DDX20: variants seen among roughly 807,000 people sequenced by gnomAD.
DDX20 encodes probable ATP-dependent RNA helicase DDX20.
In DDX20, 61 loss-of-function variants were observed where a neutral mutation model predicts 76.4. The observed-to-expected ratio is 0.80, with a 90% CI of 0.65 to 0.99. The LOEUF (loss-of-function observed/expected upper bound fraction) is 0.99. Ranked by LOEUF, DDX20 falls within the 50% of genes least tolerant of loss-of-function variation. The pLI, the probability that DDX20 is intolerant of heterozygous loss-of-function variation, is 0.00. For synonymous variants in DDX20, 357 were observed against 357.4 expected, an observed-to-expected ratio of 1.00 and a Z score of 0.01; for missense variants, 976 against 996.8, an observed-to-expected ratio of 0.98 and a Z score of 0.28.
chr1:111,756,721 T>A lies in DDX20; in HGVS notation c.377T>A (p.Leu126His), dbSNP rs1663565173. 1 of 1,614,138 alleles carries A rather than the reference T, an allele frequency of 6.2e-7. No individual in the cohort carries two copies. The highest frequency in any genetic ancestry group is 8.5e-7 in the Non-Finnish European group (1 of 1,179,982). ...FSTIALDSLVLENLSTQILIL... is the reference protein window; with the variant it reads ...FSTIALDSLVHENLSTQILIL... ...ACCATAGCTTTGGACTCTCTTGTTC[T>A]TGAAAACTTAAGTACCCAGGTGAGT... Residue 126 changes from leucine to histidine, a missense_variant, in exon 2 of 11, where the codon CTT (leucine) becomes CAT (histidine). Physicochemically the swap from Leu to His is moderately conservative, Grantham distance 99. This residue lies in a region of DDX20 where 343 missense variants were observed against 286.4 expected (regional missense o/e 1.20). Transcript: ENST00000369702.
At position 111,767,971 on chromosome 1, in the gene DDX20, CG is replaced by C. The variant is rs1663816463; in HGVS notation, c.*1073del. 6.6e-6 allele frequency: 1 copy of C among 152,074 alleles called. No homozygotes were observed. Among genetic ancestry groups the C allele is most frequent in the Non-Finnish European group, 1.5e-5 (1 of 68,002 alleles). 9.4% of individuals were successfully genotyped at this position (152,074 alleles called of 1,614,324 possible). ...TCTGAGCTGATGCATCTGTAAATTACGATTTAGAAAAATATAATTGGAAATT... is the reference window on the plus strand; with the variant it reads ...TCTGAGCTGATGCATCTGTAAATTACATTTAGAAAAATATAATTGGAAATT... On this transcript the variant is annotated 3_prime_UTR_variant, in exon 11 of 11. Transcript: ENST00000369702.
chr1:111,764,113 A>C (rs1214415703), intron 10 of DDX20, among the ~76,000 whole-genome samples: 2 of 151,970 alleles, frequency 1.3e-5, no homozygotes, highest in Non-Finnish European at 2.9e-5. Context: ...CCCTGTCTCT[A>C]CTAAAAAAAA....
Position 111,755,949 on chromosome 1 carries a change from G to A in DDX20, c.25G>A (p.Gly9Arg). 1.3e-6 allele frequency: 2 copies of A among 1,586,786 alleles called. No individual in the cohort carries two copies. Among genetic ancestry groups the A allele is most frequent in the Non-Finnish European group, 1.7e-6 (2 of 1,161,954 alleles). The change falls in exon 1 of 11, where the codon GGA becomes AGA. Residue 9 changes from glycine (G) to arginine (R), a missense_variant. By Grantham distance (125) the Gly-to-Arg change is moderately radical. This residue lies in a region of DDX20 where 343 missense variants were observed against 286.4 expected (regional missense o/e 1.20). Transcript: ENST00000369702. ...CATGGCGGCGGCATTTGAAGCCTCG[G>A]GAGCCTTAGCAGCAGTGGCGACTGC... Reference protein sequence around the residue: MAAAFEASGALAAVATAMP... With the variant: MAAAFEASRALAAVATAMP...
rs1417314821 is a variant in DDX20, at chr1:111,765,873, T to G, written c.1449T>G (p.Leu483=). Residue 483 remains leucine (L), a synonymous_variant, in exon 11 of 11, where the codon CTT becomes CTG. Coordinates refer to ENST00000369702, the MANE Select transcript of DDX20 (RefSeq NM_007204.5). ...KKQIQKIERT[L]QIQKAHGDHM... ...AAATTCAGAAAATAGAGAGAACCCT[T>G]CAAATTCAGAAAGCTCATGGTGACC... is the stretch of plus-strand genomic sequence containing the variant. The G allele has an allele frequency of 6.2e-7, 1 of 1,614,086 alleles. No homozygotes were observed. Among genetic ancestry groups the G allele is most frequent in the South Asian group, 1.1e-5 (1 of 91,074 alleles).
At chr1:111,757,504 C>T (rs969031566) in intron 2 of DDX20, among the ~76,000 whole-genome samples, 2 of 152,146 alleles carry the variant, frequency 1.3e-5, no homozygotes, top group African/African-American at 4.8e-5. Context: ...GTCCGTATTA[C>T]GTATAAACAG....
intron 10 of DDX20, among the ~76,000 whole-genome samples, chr1:111,764,276 A>C (rs1019851946): frequency 4.9e-5 from 7 of 143,456 alleles, no homozygotes; most frequent in African/African-American, 2.0e-4. Flanking sequence ...TGCGAGACTC[A>C]GTCTCAAAAA....
Position 111,766,214 on chromosome 1 carries a change from A to G in DDX20, c.1790A>G (p.Asp597Gly), listed in dbSNP as rs201948518. 2.2e-5 allele frequency: 35 copies of G among 1,614,148 alleles called. No individual in the cohort carries two copies. The East Asian group carries it at 7.8e-4, about 36-fold the overall frequency. The change falls in exon 11 of 11, where the codon GAT becomes GGT. Residue 597 changes from aspartate (D) to glycine (G), a missense_variant. Physicochemically the swap from Asp to Gly is moderately conservative, Grantham distance 94. Transcript: ENST00000369702. The part of the protein sequence containing the change: ...YTLTFAELVE[D>G]YEHYIKEGLE... ...TTGACTTTTGCTGAATTGGTAGAGG[A>G]TTATGAACATTATATTAAAGAGGGG...
chr1:111,767,491 A>G lies in DDX20; in HGVS notation c.*592A>G, dbSNP rs535663402. 6.6e-6 allele frequency: 1 copy of G among 152,202 alleles called. No individual in the cohort carries two copies. Among genetic ancestry groups the G allele is most frequent in the African/African-American group, 2.4e-5 (1 of 41,426 alleles). 9.4% of individuals were successfully genotyped at this position (152,202 alleles called of 1,614,324 possible). A position where few individuals can be genotyped will look rare whatever the true frequency, so the allele number is the denominator to read the frequency against. On this transcript the variant is annotated 3_prime_UTR_variant, in exon 11 of 11. Transcript: ENST00000369702. Reference sequence around the variant, plus strand: ...TAAAAACAAATTTAAATATATTTACATGTTTGTTGTTTATCTTTTGAATGT... The same window carrying G: ...TAAAAACAAATTTAAATATATTTACGTGTTTGTTGTTTATCTTTTGAATGT...
intron 2 of DDX20, among the ~76,000 whole-genome samples, chr1:111,758,125 TG>T (rs1481133077): frequency 7.9e-5 from 12 of 152,220 alleles, no homozygotes; most frequent in Admixed American, 7.9e-4. Flanking sequence ...CCCAACATGC[TG>T]GGATCACAAG....
At chr1:111,763,561 A>G (rs1218156758) in intron 10 of DDX20, among the ~76,000 whole-genome samples, 1 of 151,444 alleles carries the variant, frequency 6.6e-6, no homozygotes, top group South Asian at 2.1e-4. Flanking sequence ...AACAAGAGTG[A>G]AACTCCGTCT....
Position 111,760,736 on chromosome 1 carries a change from A to G in DDX20, c.711A>G (p.Lys237=). 1 of 1,612,850 alleles carries G rather than the reference A, an allele frequency of 6.2e-7. No individual in the cohort carries two copies. The highest frequency in any genetic ancestry group is 8.5e-7 in the Non-Finnish European group (1 of 1,179,618). The change falls in exon 5 of 11, where the codon AAA becomes AAG. Residue 237 remains lysine, a synonymous_variant. Transcript: ENST00000369702. ...TTTATTCTTCCTTGCCTGCCAGTAA[A>G]CAGATGCTGGCAGTATCAGCTACTT... ...NWIYSSLPAS[K]QMLAVSATYP...
At chr1:111,762,618 T>G in intron 8 of DDX20, 59 bp from the exon 9 acceptor site, 1 of 1,363,552 alleles carries the variant, frequency 7.3e-7, no homozygotes, top group Non-Finnish European at 1.0e-6. Context: ...ATAATATGCA[T>G]TGGTATCCAT....
chr1:111,755,986 A>C lies in DDX20; in HGVS notation c.62A>C (p.Glu21Ala), dbSNP rs1236055777. ...LAAVATAMPA[E>A]HVAVQVPAPE... ...GCAGTGGCGACTGCTATGCCGGCTGAGCATGTGGCCGTGCAGGTCCCGGCC... is the reference window on the plus strand; with the variant it reads ...GCAGTGGCGACTGCTATGCCGGCTGCGCATGTGGCCGTGCAGGTCCCGGCC... Residue 21 changes from glutamate (E) to alanine (A), a missense_variant, in exon 1 of 11, where the codon GAG (glutamate) becomes GCG (alanine). This residue lies in a region of DDX20 where 343 missense variants were observed against 286.4 expected (regional missense o/e 1.20). Coordinates refer to ENST00000369702, the MANE Select transcript of DDX20 (RefSeq NM_007204.5). 6.2e-7 allele frequency: 1 copy of C among 1,602,466 alleles called. No individual in the cohort carries two copies. The highest frequency in any genetic ancestry group is 1.7e-5 in the Admixed American group (1 of 59,500).
chr1:111,762,190 GTGGAT>G (rs562631157), intron 7 of DDX20, 60 bp from the exon 8 acceptor site: 9 of 1,316,858 alleles, frequency 6.8e-6, no homozygotes, highest in Non-Finnish European at 8.6e-6. Context: ...TTTACTTTTT[GTGGAT>G]TGGATAAATA....
At position 111,767,407 on chromosome 1, in the gene DDX20, A is replaced by G. The variant is rs141927178; in HGVS notation, c.*508A>G. The G allele has an allele frequency of 5.2e-5, 8 of 152,476 alleles. No individual in the cohort carries two copies. Among genetic ancestry groups the G allele is most frequent in the African/African-American group, 1.4e-4 (6 of 41,572 alleles). 9.4% of individuals were successfully genotyped at this position (152,476 alleles called of 1,614,324 possible). A position where few individuals can be genotyped will look rare whatever the true frequency, so the allele number is the denominator to read the frequency against. ...AAGGAATATTTAAACATTGCTTTAGATTTTCCTAAAGGTATTTGATTTGAT... is the reference window on the plus strand; with the variant it reads ...AAGGAATATTTAAACATTGCTTTAGGTTTTCCTAAAGGTATTTGATTTGAT... On this transcript the variant is annotated 3_prime_UTR_variant, in exon 11 of 11. Coordinates refer to ENST00000369702, the MANE Select transcript of DDX20 (RefSeq NM_007204.5).
At chr1:111,762,442 A>G in intron 8 of DDX20, 105 bp downstream of exon 8, 1 of 944,298 alleles carries the variant, frequency 1.1e-6, no homozygotes. Flanking sequence ...TCTAACAAGA[A>G]TACCAGAAGA....
intron 1 of DDX20, 34 bp downstream of exon 1, chr1:111,756,259 G>T (rs896917441): frequency 1.5e-6 from 2 of 1,328,978 alleles, no homozygotes; most frequent in Admixed American, 6.9e-5. Flanking sequence ...GTCGGGGGGT[G>T]GGGTGGGAGA....
At chr1:111,763,815 T>C (rs1044200411) in intron 10 of DDX20, among the ~76,000 whole-genome samples, 8 of 152,200 alleles carry the variant, frequency 5.3e-5, no homozygotes, top group Non-Finnish European at 1.2e-4. Context: ...CAGTCATTTG[T>C]TCTGCTTCTT....
intron 3 of DDX20, among the ~76,000 whole-genome samples, chr1:111,759,997 AAAT>A (rs1301955785): frequency 0.036 from 4,070 of 114,514 alleles, 188 homozygotes; most frequent in African/African-American, 0.13. Context: ...AAAAAAAAAG[AAAT>A]GAAGAGCATT....
Sources: gnomAD v4.1 joint callset for allele counts (sites outside exome capture counted in the v4.1 genomes callset) on GRCh38, gnomAD v4.1.1 for gene constraint, gnomAD v4.1.1 regional missense constraint, MANE v1.5 for transcripts, NCBI Gene and HGNC (gene_info 2026-07-23, HGNC 2026-07-21) for gene names.